TRHDE: variants seen among roughly 807,000 people sequenced by gnomAD.
TRHDE encodes thyrotropin-releasing hormone-degrading ectoenzyme.
TRHDE carries 72 observed loss-of-function variants against 125.7 expected under a neutral mutation model. The observed-to-expected ratio is 0.57, with a 90% CI of 0.47 to 0.70. The LOEUF (loss-of-function observed/expected upper bound fraction) is 0.70, where lower values mean the gene tolerates loss of function less well. TRHDE is among the 30% of genes least tolerant of loss of function. The pLI is 0.00. For missense variants in TRHDE, 1,110 were observed against 1,327.1 expected (o/e 0.84, Z 2.54); for synonymous variants, 509 against 509.1 (o/e 1.00, Z 0.00).
intron 3 of TRHDE, among the ~76,000 whole-genome samples, chr12:72,382,730 C>CA (rs1011336022): frequency 1.3e-5 from 2 of 151,922 alleles, no homozygotes; most frequent in Admixed American, 6.5e-5. Context: ...CAAGAAAGTA[C>CA]AAAAAAAATC....
At chr12:72,370,742 A>G (rs1248375612) in intron 2 of TRHDE, among the ~76,000 whole-genome samples, 2 of 151,706 alleles carry the variant, frequency 1.3e-5, no homozygotes, top group Non-Finnish European at 1.5e-5. Flanking sequence ...TGTATTGTTA[A>G]TGTTATTTTT....
chr12:72,259,361 A>G (rs928123240), intron 2 of TRHDE, among the ~76,000 whole-genome samples: 2 of 152,002 alleles, frequency 1.3e-5, no homozygotes, highest in African/African-American at 2.4e-5. Context: ...TCATGTTCTC[A>G]TTGTTTTTCT....
chr12:72,124,396 G>A (rs1157710054), intron 2 of TRHDE, among the ~76,000 whole-genome samples: 1 of 152,134 alleles, frequency 6.6e-6, no homozygotes, highest in Non-Finnish European at 1.5e-5. Context: ...AAACGTGTAA[G>A]TCATCCAATT....
intron 2 of TRHDE, among the ~76,000 whole-genome samples, chr12:72,121,623 A>C (rs1257207172): frequency 6.6e-6 from 1 of 151,978 alleles, no homozygotes; most frequent in South Asian, 2.1e-4. Flanking sequence ...GCTATTCAAA[A>C]CTATCTTTTC....
chr12:72,098,038 T>C (rs187772696), intron 1 of TRHDE, among the ~76,000 whole-genome samples: 1 of 152,088 alleles, frequency 6.6e-6, no homozygotes, highest in East Asian at 1.9e-4. Context: ...TACTTTATAT[T>C]TTATTTTATT....
At chr12:72,640,278 C>T (rs981607329) in intron 15 of TRHDE, among the ~76,000 whole-genome samples, 2 of 152,220 alleles carry the variant, frequency 1.3e-5, no homozygotes, top group African/African-American at 4.8e-5. Flanking sequence ...CAGGTGCCGT[C>T]TGTCACCCCT....
At chr12:72,350,778 A>T (rs1208342681) in intron 2 of TRHDE, among the ~76,000 whole-genome samples, 2 of 152,002 alleles carry the variant, frequency 1.3e-5, no homozygotes, top group Non-Finnish European at 2.9e-5. Flanking sequence ...AAATAATTTG[A>T]TACTCCAGTT....
intron 12 of TRHDE, among the ~76,000 whole-genome samples, chr12:72,590,590 G>T (rs557446060): frequency 6.6e-6 from 1 of 151,906 alleles, no homozygotes; most frequent in Non-Finnish European, 1.5e-5. Context: ...CTTGTACCTG[G>T]TGATACATTT....
intron 2 of TRHDE, among the ~76,000 whole-genome samples, chr12:72,113,463 A>C (rs987081730): frequency 6.6e-6 from 1 of 151,956 alleles, no homozygotes; most frequent in African/African-American, 2.4e-5. Flanking sequence ...TGTTTCTGCA[A>C]AAAATACGTA....
intron 12 of TRHDE, among the ~76,000 whole-genome samples, chr12:72,617,505 C>G (rs1379601292): frequency 6.6e-6 from 1 of 152,082 alleles, no homozygotes; most frequent in Non-Finnish European, 1.5e-5. Flanking sequence ...TGCACAAATA[C>G]AAAGGTCCAT....
intron 6 of TRHDE, among the ~76,000 whole-genome samples, chr12:72,501,850 T>A (rs1380782226): frequency 6.6e-6 from 1 of 152,146 alleles, no homozygotes; most frequent in African/African-American, 2.4e-5. Flanking sequence ...AATGATTTAA[T>A]TTTGTTAATA....
chr12:72,385,270 T>C (rs758054378), intron 3 of TRHDE, among the ~76,000 whole-genome samples: 22 of 152,222 alleles, frequency 1.4e-4, no homozygotes, highest in Non-Finnish European at 7.4e-5. Flanking sequence ...ACTCAGCTAT[T>C]GTATGGTTTC....
At chr12:72,211,692 T>C (rs1173808080) in intron 2 of TRHDE, among the ~76,000 whole-genome samples, 1 of 152,178 alleles carries the variant, frequency 6.6e-6, no homozygotes, top group East Asian at 1.9e-4. Flanking sequence ...GAGATATAGA[T>C]ATTTTAAAAA....
Position 72,664,040 on chromosome 12 carries a change from A to C in TRHDE, c.*845A>C, listed in dbSNP as rs1592603432. ...CATTATTCTTTCTATGTCCTAACTA[A>C]ATTTCTCAACTGTTATGAATTTTTC... On this transcript the variant is annotated 3_prime_UTR_variant, in exon 19 of 19. Transcript: ENST00000261180. 6.6e-6 allele frequency: 1 copy of C among 152,186 alleles called. No individual in the cohort carries two copies. Among genetic ancestry groups the C allele is most frequent in the East Asian group, 1.9e-4 (1 of 5,150 alleles). The allele number at this position is 152,186 out of a possible 1,614,324, so 9.4% of individuals were successfully genotyped here.
intron 7 of TRHDE, among the ~76,000 whole-genome samples, chr12:72,546,967 A>T (rs946924865): frequency 6.6e-6 from 1 of 151,706 alleles, no homozygotes; most frequent in Non-Finnish European, 1.5e-5. Context: ...CATTTTGCAG[A>T]ACATAAAGTT....
At chr12:72,492,117 C>A (rs1451448875) in intron 5 of TRHDE, among the ~76,000 whole-genome samples, 1 of 151,820 alleles carries the variant, frequency 6.6e-6, no homozygotes, top group East Asian at 1.9e-4. Flanking sequence ...TAACAGGCTG[C>A]AAGAGAAAAT....
chr12:72,481,420 C>G (rs1485429524), intron 5 of TRHDE, among the ~76,000 whole-genome samples: 1 of 150,894 alleles, frequency 6.6e-6, no homozygotes, highest in East Asian at 1.9e-4. Context: ...GATTTTGCCT[C>G]AGTTACTCCT....
chr12:72,663,177 A>T lies in TRHDE; in HGVS notation c.3192A>T (p.Gly1064=), dbSNP rs754224515. 2 of 1,612,432 alleles carry T rather than the reference A, an allele frequency of 1.2e-6. No individual in the cohort carries two copies. Among genetic ancestry groups the T allele is most frequent in the Non-Finnish European group, 1.7e-6 (2 of 1,179,166 alleles). ...AAGACGAGCTTTTCCAATGGTTAGG[A>T]AAAGCTCTAAGACACTAATATATGT... is the stretch of plus-strand genomic sequence containing the variant. ...LYQDELFQWL[G]KALRH The change falls in exon 19 of 19, where the codon GGA becomes GGT. Residue 1064 remains glycine, a synonymous_variant. Coordinates refer to ENST00000261180, the MANE Select transcript of TRHDE (RefSeq NM_013381.3).
chr12:72,615,598 G>A (rs11609949), intron 12 of TRHDE, among the ~76,000 whole-genome samples: 1,561 of 152,168 alleles, frequency 0.01, 17 homozygotes, highest in Admixed American at 0.017. Flanking sequence ...TTGTGATGTC[G>A]TAGGCTTAAA....
Sources: allele counts gnomAD v4.1 joint callset (sites outside exome capture counted in the v4.1 genomes callset), GRCh38; gene constraint gnomAD v4.1.1; transcripts MANE v1.5; gene names NCBI Gene and HGNC (gene_info 2026-07-23, HGNC 2026-07-21).